CNBD1: variants seen among roughly 807,000 people sequenced by gnomAD.
CNBD1 encodes cyclic nucleotide binding domain containing 1, also known as cyclic nucleotide-binding domain-containing protein 1.
In CNBD1, 71 loss-of-function variants were observed where a neutral mutation model predicts 54.4. That is an observed-to-expected ratio of 1.30 (90% CI 1.08 to 1.59). CNBD1 has a LOEUF of 1.59. Ranked by LOEUF, CNBD1 falls within the 40% of genes most tolerant of loss-of-function variation. The pLI is 0.00. For synonymous variants in CNBD1, 182 were observed against 170.7 expected, an observed-to-expected ratio of 1.07 and a Z score of -0.51; for missense variants, 659 against 518.0, an observed-to-expected ratio of 1.27 and a Z score of -2.64.
intron 4 of CNBD1, among the ~76,000 whole-genome samples, chr8:87,111,477 C>A (rs368295695): frequency 6.6e-6 from 1 of 152,266 alleles, no homozygotes; most frequent in Admixed American, 6.5e-5. Flanking sequence ...TACCTTGTTG[C>A]ACAGCCTCTT....
chr8:87,159,791 C>T (rs1812817918), intron 4 of CNBD1, among the ~76,000 whole-genome samples: 2 of 152,132 alleles, frequency 1.3e-5, no homozygotes, highest in Admixed American at 1.3e-4. Flanking sequence ...TCCAAAATTG[C>T]TTGTGCACTT....
chr8:86,952,407 T>C (rs1245625555), intron 4 of CNBD1, among the ~76,000 whole-genome samples: 1 of 152,178 alleles, frequency 6.6e-6, no homozygotes, highest in Non-Finnish European at 1.5e-5. Flanking sequence ...ACTGCTGATA[T>C]ACAGAGCTAT....
At chr8:87,417,194 G>A (rs926411929) in intron 2 of CNBD1, among the ~76,000 whole-genome samples, 1 of 151,970 alleles carries the variant, frequency 6.6e-6, no homozygotes, top group Admixed American at 6.6e-5. Context: ...TGAAGGAAAA[G>A]CAAAGGCACA....
At chr8:86,962,812 A>T (rs1414660473) in intron 4 of CNBD1, among the ~76,000 whole-genome samples, 2 of 151,992 alleles carry the variant, frequency 1.3e-5, no homozygotes, top group Non-Finnish European at 2.9e-5. Flanking sequence ...ACAAAAAACA[A>T]AACAGAAGCT....
intron 2 of CNBD1, among the ~76,000 whole-genome samples, chr8:87,411,768 T>C (rs888285701): frequency 4.6e-5 from 7 of 151,904 alleles, no homozygotes; most frequent in Non-Finnish European, 7.4e-5. Flanking sequence ...GTTCATTGTA[T>C]TTTTTCATTA....
chr8:87,073,761 G>A (rs931394704), intron 4 of CNBD1, among the ~76,000 whole-genome samples: 2 of 152,104 alleles, frequency 1.3e-5, no homozygotes, highest in African/African-American at 4.8e-5. Context: ...GGCCCCCAAT[G>A]AGAGGGCTCA....
chr8:87,383,078 A>T (rs1196895119), downstream of CNBD1, among the ~76,000 whole-genome samples: 1 of 152,054 alleles, frequency 6.6e-6, no homozygotes. Context: ...AAAGGCAAAA[A>T]GACATTGAAT....
chr8:86,900,145 CA>C (rs1808911001), intron 2 of CNBD1, among the ~76,000 whole-genome samples: 1 of 152,116 alleles, frequency 6.6e-6, no homozygotes, highest in South Asian at 2.1e-4. Flanking sequence ...TGCCATGCTG[CA>C]AAAACCTTGA....
rs1332919491 is a variant in CNBD1 at position 87,182,198 on chromosome 8, T to C, written c.432-23795T>C. Reference sequence around the variant, plus strand: ...CACTTAGGATAATGGCCTTCACCTATATCCATGTTACTGCAAAGGACATGA... The same window carrying C: ...CACTTAGGATAATGGCCTTCACCTACATCCATGTTACTGCAAAGGACATGA... On this transcript the variant is annotated intron_variant, in intron 4 of 10. Transcript: ENST00000518476. The surrounding 1 kb of genome is among the most constrained non-coding windows in gnomAD (Gnocchi z 4.1). Among the ~76,000 whole-genome samples the C allele has an allele frequency of 6.6e-6, 1 of 152,150 alleles. No homozygotes were observed. Among genetic ancestry groups the C allele is most frequent in the African/African-American group, 2.4e-5 (1 of 41,452 alleles).
At chr8:87,428,014 C>A (rs1808078384) in intron 2 of CNBD1, among the ~76,000 whole-genome samples, 2 of 152,070 alleles carry the variant, frequency 1.3e-5, no homozygotes, top group Middle Eastern at 3.4e-3. Flanking sequence ...CTTGTCTAAG[C>A]AGAATTATGA....
chr8:86,866,633 C>A (rs771162278), intron 1 of CNBD1, 50 bp downstream of exon 1: 2 of 1,366,878 alleles, frequency 1.5e-6, no homozygotes, highest in South Asian at 1.2e-5. Flanking sequence ...TTGTTTTCAG[C>A]GGTTCTTACC....
intron 2 of CNBD1, among the ~76,000 whole-genome samples, chr8:87,399,398 C>T (rs1216916602): frequency 2.0e-5 from 3 of 152,000 alleles, no homozygotes; most frequent in Non-Finnish European, 4.4e-5. Flanking sequence ...CACCACCCAC[C>T]TCTTCATTTG....
At chr8:87,208,124 A>G (rs1372669965) in intron 5 of CNBD1, among the ~76,000 whole-genome samples, 1 of 152,038 alleles carries the variant, frequency 6.6e-6, no homozygotes, top group Non-Finnish European at 1.5e-5. Context: ...GCTGACTTTC[A>G]ATCTGCTGCT....
chr8:86,944,924 C>G (rs1807431336), intron 4 of CNBD1, among the ~76,000 whole-genome samples: 1 of 152,142 alleles, frequency 6.6e-6, no homozygotes, highest in African/African-American at 2.4e-5. Flanking sequence ...TTGATTTTCT[C>G]TCTCTTTTTA....
intron 4 of CNBD1, among the ~76,000 whole-genome samples, chr8:87,060,982 C>T (rs762588454): frequency 2.0e-5 from 3 of 152,186 alleles, no homozygotes; most frequent in African/African-American, 2.4e-5. Context: ...CAACTCAGGA[C>T]TGACCCTCAG....
At chr8:87,069,572 T>C (rs940756270) in intron 4 of CNBD1, among the ~76,000 whole-genome samples, 3 of 152,044 alleles carry the variant, frequency 2.0e-5, no homozygotes, top group African/African-American at 7.2e-5. Context: ...CGTAAGGATA[T>C]TCTATGATGT....
intron 3 of CNBD1, among the ~76,000 whole-genome samples, chr8:86,908,942 G>A (rs1305497848): frequency 6.6e-6 from 1 of 152,024 alleles, no homozygotes; most frequent in Admixed American, 6.6e-5. Context: ...ATTTTTAGTA[G>A]CGACGAGGTT....
rs1298179505 is a variant in CNBD1 at position 87,351,724 on chromosome 8, A to G, written c.1082A>G (p.Tyr361Cys). Reference sequence around the variant, plus strand: ...GGAAATATAATTTCTTTTGTGGGTTATATTAACTCTGGATGCTGTAACATT... The same window carrying G: ...GGAAATATAATTTCTTTTGTGGGTTGTATTAACTCTGGATGCTGTAACATT... ...ESGNIISFVG[Y>C]INSGCCNIYR... Residue 361 changes from tyrosine to cysteine, a missense_variant, in exon 9 of 11, where the codon TAT becomes TGT. Physicochemically the swap from Tyr to Cys is radical, Grantham distance 194. Transcript: ENST00000518476. 2.6e-6 allele frequency: 4 copies of G among 1,535,720 alleles called. No individual in the cohort carries two copies. Among genetic ancestry groups the G allele is most frequent in the South Asian group, 2.6e-5 (2 of 77,568 alleles).
In CNBD1 at chr8:87,343,478, G is replaced by A. The variant is rs568722370; in HGVS notation, c.1043-8207G>A. The stretch of plus-strand genomic sequence containing the variant: ...TTCACAACTTAATTCTTCTGCCATG[G>A]CTTCAGCCGGTCCCTCCATTCGGGG... On this transcript the variant is annotated intron_variant, in intron 8 of 10. Transcript: ENST00000518476. Among the ~76,000 whole-genome samples, 65 of 152,246 alleles carry A rather than the reference G, an allele frequency of 4.3e-4. No individual in the cohort carries two copies. The Middle Eastern group carries it at 0.024, about 56-fold the overall frequency.
Sources: gnomAD v4.1 joint callset for allele counts (sites outside exome capture counted in the v4.1 genomes callset) on GRCh38, gnomAD v4.1.1 for gene constraint, Gnocchi (gnomAD v3.1) non-coding constraint, MANE v1.5 for transcripts, NCBI Gene and HGNC (gene_info 2026-07-23, HGNC 2026-07-21) for gene names.